The following DGKB variants were observed in gnomAD, a reference collection of about 807,000 sequenced individuals.
DGKB encodes 90 kDa diacylglycerol kinase.
DGKB carries 67 observed loss-of-function variants against 114.3 expected under a neutral mutation model. That is an observed-to-expected ratio of 0.59 (90% CI 0.48 to 0.72). DGKB has a LOEUF of 0.72. DGKB is among the 30% of genes least tolerant of loss of function. The pLI, the probability that DGKB is intolerant of heterozygous loss-of-function variation, is 0.00. For missense variants in DGKB, 907 were observed against 975.2 expected, an observed-to-expected ratio of 0.93 and a Z score of 0.93; for synonymous variants, 398 against 323.1, an observed-to-expected ratio of 1.23 and a Z score of -2.49.
intron 13 of DGKB, among the ~76,000 whole-genome samples, chr7:14,665,151 T>C (rs1036813910): frequency 6.6e-6 from 1 of 151,908 alleles, no homozygotes; most frequent in Admixed American, 6.6e-5. Context: ...GATATTGATA[T>C]GAAAAAAAGG....
intron 2 of DGKB, among the ~76,000 whole-genome samples, chr7:14,820,519 T>G (rs1224681719): frequency 6.6e-6 from 1 of 152,166 alleles, no homozygotes; most frequent in Non-Finnish European, 1.5e-5. Flanking sequence ...AAACTGCAAA[T>G]ATAATCAGGA....
chr7:14,500,782 G>A (rs1237168365), intron 20 of DGKB, among the ~76,000 whole-genome samples: 2 of 151,700 alleles, frequency 1.3e-5, no homozygotes, highest in African/African-American at 4.8e-5. Context: ...AGGACAGTGA[G>A]AAAAGTGTTA....
chr7:14,438,487 G>A (rs1461947714), intron 21 of DGKB, among the ~76,000 whole-genome samples: 3 of 152,072 alleles, frequency 2.0e-5, no homozygotes, highest in Non-Finnish European at 2.9e-5. Context: ...GTTTGATTAT[G>A]TGTTAACTGA....
At position 14,149,061 on chromosome 7, in the gene DGKB, A is replaced by T; in HGVS notation, c.*70T>A. ...GAGCAGGAGACTTGAAATGGTTCAA[A>T]GATTTCCAGCATATGTGTTCCATGG... On this transcript the variant is annotated 3_prime_UTR_variant, in exon 26 of 26. Coordinates refer to ENST00000402815, the MANE Select transcript of DGKB (RefSeq NM_001350709.2). 1.5e-6 allele frequency: 2 copies of T among 1,350,676 alleles called. No homozygotes were observed. Among genetic ancestry groups the T allele is most frequent in the Non-Finnish European group, 2.1e-6 (2 of 941,960 alleles). The allele number at this position is 1,350,676 out of a possible 1,614,324, so 83.7% of individuals were successfully genotyped here.
At chr7:14,619,097 T>G (rs922752068) in intron 15 of DGKB, among the ~76,000 whole-genome samples, 10 of 151,650 alleles carry the variant, frequency 6.6e-5, no homozygotes, top group African/African-American at 2.4e-4. Context: ...ATTTTGGTCC[T>G]TTCTGCTGAG....
rs781569705 is a variant in DGKB, at chr7:14,265,318, C to CTTTTTTTTTT, written c.2122+73187_2122+73196dup. On this transcript the variant is annotated intron_variant, in intron 23 of 25. Transcript: ENST00000402815. ...GGACTGCTGTCTTTTCTCTTGCATTCTTTTTTTTTTTTTTTTTTTTGCTTA... is the reference window on the plus strand; with the variant it reads ...GGACTGCTGTCTTTTCTCTTGCATTCTTTTTTTTTTTTTTTTTTTTTTTTTTTTTTGCTTA... Among the ~76,000 whole-genome samples the CTTTTTTTTTT allele has an allele frequency of 2.4e-3, 161 of 67,714 alleles. 26 individuals are homozygous for CTTTTTTTTTT. Among genetic ancestry groups the CTTTTTTTTTT allele is most frequent in the East Asian group, 0.018 (25 of 1,356 alleles). The allele number at this position is 67,714 out of a possible 152,430, so 44.4% of individuals were successfully genotyped here.
intron 20 of DGKB, among the ~76,000 whole-genome samples, chr7:14,521,490 T>G (rs1789759124): frequency 6.6e-6 from 1 of 152,202 alleles, no homozygotes. Flanking sequence ...TGAGAAACTT[T>G]CAAACATTAT....
At position 14,698,112 on chromosome 7, in the gene DGKB, C is replaced by T. The variant is rs1282032566; in HGVS notation, c.574G>A (p.Val192Ile). The change falls in exon 8 of 26, where the codon GTC (valine) becomes ATC (isoleucine). Residue 192 changes from valine to isoleucine, a missense_variant. Coordinates refer to ENST00000402815, the MANE Select transcript of DGKB (RefSeq NM_001350709.2). ...MHVAEYLEWD[V>I]TELNPILHEM... ...ATACCTACTGGATTAAGTTCAGTGACATCCCACTCAAGGTATTCTGCAACA... is the reference window on the plus strand; with the variant it reads ...ATACCTACTGGATTAAGTTCAGTGATATCCCACTCAAGGTATTCTGCAACA... The T allele has an allele frequency of 1.3e-6, 2 of 1,548,222 alleles. No individual in the cohort carries two copies. The highest frequency in any genetic ancestry group is 1.4e-5 in the African/African-American group (1 of 71,170).
intron 17 of DGKB, among the ~76,000 whole-genome samples, chr7:14,589,900 C>T (rs959345894): frequency 6.6e-6 from 1 of 151,608 alleles, no homozygotes. Flanking sequence ...TATACCGCCT[C>T]ATAAAATATG....
At chr7:14,456,577 C>G (rs1418984945) in intron 21 of DGKB, among the ~76,000 whole-genome samples, 1 of 152,004 alleles carries the variant, frequency 6.6e-6, no homozygotes, top group Non-Finnish European at 1.5e-5. Flanking sequence ...TCTAGCAAAA[C>G]CTAATGCTTT....
intron 20 of DGKB, among the ~76,000 whole-genome samples, chr7:14,562,045 G>T (rs987330683): frequency 6.6e-6 from 1 of 152,130 alleles, no homozygotes; most frequent in African/African-American, 2.4e-5. Flanking sequence ...CTATAGACTT[G>T]GTACCCCATG....
At chr7:14,603,345 CAG>C (rs1205908609) in intron 17 of DGKB, among the ~76,000 whole-genome samples, 4 of 152,004 alleles carry the variant, frequency 2.6e-5, no homozygotes, top group Non-Finnish European at 5.9e-5. Flanking sequence ...AAATTTGCAA[CAG>C]AGCTCAATTA....
At chr7:14,560,624 T>G (rs1387639582) in intron 20 of DGKB, among the ~76,000 whole-genome samples, 1 of 152,234 alleles carries the variant, frequency 6.6e-6, no homozygotes, top group Non-Finnish European at 1.5e-5. Context: ...AGCAGTTATA[T>G]TGCTTCTATA....
intron 21 of DGKB, among the ~76,000 whole-genome samples, chr7:14,397,507 G>C (rs1425891936): frequency 1.3e-5 from 2 of 152,022 alleles, no homozygotes; most frequent in Non-Finnish European, 2.9e-5. Flanking sequence ...TCACCTCTCT[G>C]AGAGTCTAGA....
At chr7:14,736,658 G>A (rs577421675) in intron 4 of DGKB, among the ~76,000 whole-genome samples, 6 of 152,210 alleles carry the variant, frequency 3.9e-5, no homozygotes, top group South Asian at 2.1e-4. Context: ...GGTGATTATC[G>A]CTTTTGACAA....
chr7:14,654,515 T>G (rs1815366027), intron 13 of DGKB, among the ~76,000 whole-genome samples: 1 of 152,016 alleles, frequency 6.6e-6, no homozygotes, highest in African/African-American at 2.4e-5. Context: ...CAATTACATT[T>G]TTCTTCAAAT....
intron 23 of DGKB, among the ~76,000 whole-genome samples, chr7:14,291,142 C>CAAAA (rs373171858): frequency 4.8e-4 from 41 of 86,110 alleles, no homozygotes; most frequent in African/African-American, 1.5e-3. Flanking sequence ...AACTCCGTCT[C>CAAAA]AAAAAAAAAA....
chr7:14,234,645 T>C (rs1792481639), intron 23 of DGKB, among the ~76,000 whole-genome samples: 1 of 152,088 alleles, frequency 6.6e-6, no homozygotes, highest in African/African-American at 2.4e-5. Flanking sequence ...CAAAATATTT[T>C]ATCACCCTAT....
chr7:14,747,580 T>A (rs2128424634), intron 4 of DGKB, among the ~76,000 whole-genome samples: 1 of 152,246 alleles, frequency 6.6e-6, no homozygotes, highest in South Asian at 2.1e-4. Flanking sequence ...CAAGAAAATT[T>A]CCAAATTTAG....
Sources: allele counts gnomAD v4.1 joint callset (sites outside exome capture counted in the v4.1 genomes callset), GRCh38; gene constraint gnomAD v4.1.1; transcripts MANE v1.5; gene names NCBI Gene and HGNC (gene_info 2026-07-23, HGNC 2026-07-21).